COL24A1: variants seen among roughly 807,000 people sequenced by gnomAD.
COL24A1 encodes the protein collagen type XXIV alpha 1 chain.
COL24A1 carries 224 observed loss-of-function variants against 253.9 expected under a neutral mutation model. The ratio of observed to expected loss-of-function variants is 0.88; its 90% CI spans 0.79 to 0.99. The LOEUF (loss-of-function observed/expected upper bound fraction) is 0.99, where lower values mean the gene tolerates loss of function less well. COL24A1 is among the 50% of genes least tolerant of loss of function. The pLI is 0.00. For missense variants in COL24A1, 2,131 were observed against 2,068.5 expected (o/e 1.03, Z -0.59); for synonymous variants, 685 against 673.7 (o/e 1.02, Z -0.26).
At chr1:85,888,734 T>C (rs1052094458) in intron 32 of COL24A1, among the ~76,000 whole-genome samples, 4 of 152,114 alleles carry the variant, frequency 2.6e-5, no homozygotes, top group African/African-American at 7.2e-5. Flanking sequence ...TGAGAGCTTA[T>C]ATCACAGATT....
rs973069903 is a variant in COL24A1 at position 85,895,296 on chromosome 1, T to C, written c.2922+562A>G. Among the ~76,000 whole-genome samples the C allele has an allele frequency of 3.4e-4, 51 of 152,228 alleles. 1 individual carries two copies. The highest frequency in any genetic ancestry group is 1.1e-3 in the African/African-American group (47 of 41,548). On this transcript the variant is annotated intron_variant, in intron 31 of 59. Coordinates refer to ENST00000370571, the MANE Select transcript of COL24A1 (RefSeq NM_152890.7). ...AGTATTATAAAATATTAACAACTCT[T>C]AAGCAGTGCCATGGGAAGGCATGAA...
At chr1:86,050,747 A>C (rs1359615348) in intron 10 of COL24A1, among the ~76,000 whole-genome samples, 1 of 152,136 alleles carries the variant, frequency 6.6e-6, no homozygotes, top group Non-Finnish European at 1.5e-5. Flanking sequence ...AGATGGTTTT[A>C]TATGTTAGCT....
At chr1:85,874,181 G>C (rs941602499) in intron 35 of COL24A1, among the ~76,000 whole-genome samples, 2 of 152,018 alleles carry the variant, frequency 1.3e-5, no homozygotes, top group Non-Finnish European at 2.9e-5. Flanking sequence ...TTAGCATAAC[G>C]TCTCAAAGCT....
chr1:85,781,085 A>AT, intron 52 of COL24A1, 135 bp downstream of exon 52: 1 of 615,878 alleles, frequency 1.6e-6, no homozygotes, highest in South Asian at 2.9e-5. Context: ...CTCAGGAATC[A>AT]TTTTCCAGAA....
chr1:85,769,005 A>G (rs57698711), intron 53 of COL24A1, among the ~76,000 whole-genome samples: 137,391 of 152,206 alleles, frequency 0.9, 62,585 homozygotes, highest in Non-Finnish European at 0.96. Flanking sequence ...AATTCAATAA[A>G]TTCAAACAAT....
intron 6 of COL24A1, among the ~76,000 whole-genome samples, chr1:86,090,047 C>T (rs760003336): frequency 1.2e-4 from 19 of 152,076 alleles, no homozygotes; most frequent in African/African-American, 4.6e-4. Flanking sequence ...TTCCATCCTG[C>T]GTGCCAGCTA....
chr1:85,809,143 G>A (rs1009283428), intron 47 of COL24A1, among the ~76,000 whole-genome samples: 1 of 152,100 alleles, frequency 6.6e-6, no homozygotes, highest in South Asian at 2.1e-4. Flanking sequence ...GTGACCTCTG[G>A]CCATATAACT....
chr1:85,923,006 C>T (rs912724471), intron 24 of COL24A1, among the ~76,000 whole-genome samples: 12 of 150,908 alleles, frequency 8.0e-5, no homozygotes, highest in African/African-American at 2.9e-4. Flanking sequence ...AAAAAAAAAG[C>T]AGGGGTTGTA....
chr1:85,787,928 C>T (rs980423622), intron 47 of COL24A1, among the ~76,000 whole-genome samples: 1 of 152,116 alleles, frequency 6.6e-6, no homozygotes, highest in African/African-American at 2.4e-5. Flanking sequence ...GCCATTCTGA[C>T]CGGTGTGAGA....
At chr1:85,851,236 T>C (rs1380097609) in intron 37 of COL24A1, among the ~76,000 whole-genome samples, 1 of 152,142 alleles carries the variant, frequency 6.6e-6, no homozygotes, top group African/African-American at 2.4e-5. Context: ...TGTGTTCTCC[T>C]GAAACTTCTT....
intron 52 of COL24A1, among the ~76,000 whole-genome samples, chr1:85,778,935 C>A (rs1219963971): frequency 6.6e-6 from 1 of 152,078 alleles, no homozygotes; most frequent in South Asian, 2.1e-4. Flanking sequence ...TTATTTTTTA[C>A]ATTAAAGTCG....
rs190565348 is a variant in COL24A1 at position 85,888,897 on chromosome 1, A to G, written c.2976+663T>C. On this transcript the variant is annotated intron_variant, in intron 32 of 59. Transcript: ENST00000370571. Reference sequence around the variant, plus strand: ...TCAATGCAGTTGTTTGAAAGACTATATTGTATTGTACATCTTAGAAGCACA... The same window carrying G: ...TCAATGCAGTTGTTTGAAAGACTATGTTGTATTGTACATCTTAGAAGCACA... Among the ~76,000 whole-genome samples, 83 of 152,224 alleles carry G rather than the reference A, an allele frequency of 5.5e-4. 1 individual carries two copies. The South Asian group carries it at 8.5e-3, about 16-fold the overall frequency.
chr1:86,132,299 CT>C (rs1412112725), intron 2 of COL24A1, among the ~76,000 whole-genome samples: 1 of 152,046 alleles, frequency 6.6e-6, no homozygotes, highest in Non-Finnish European at 1.5e-5. Context: ...CAAAAATTTT[CT>C]CCCATTCTGT....
At chr1:86,145,781 A>T (rs1651792795) in intron 2 of COL24A1, among the ~76,000 whole-genome samples, 1 of 152,052 alleles carries the variant, frequency 6.6e-6, no homozygotes, top group Admixed American at 6.5e-5. Flanking sequence ...TGTATCAAGA[A>T]GTGCAAAGGT....
intron 43 of COL24A1, 140 bp from the exon 44 acceptor site, chr1:85,823,878 T>C (rs1381414670): frequency 6.7e-6 from 5 of 751,196 alleles, no homozygotes; most frequent in East Asian, 2.6e-5. Context: ...TTCTTGGAAA[T>C]AGAAAAGAAC....
Position 86,014,622 on chromosome 1 carries a change from C to CTTTTT in COL24A1, c.2310+2528_2310+2529insAAAAA, listed in dbSNP as rs10692217. On this transcript the variant is annotated intron_variant, in intron 19 of 59. Coordinates refer to ENST00000370571, the MANE Select transcript of COL24A1 (RefSeq NM_152890.7). The stretch of plus-strand genomic sequence containing the variant: ...CTTCCTTCTCCTCCTCCTCCTTTTC[C>CTTTTT]TATTTTCTATTTTTGGAATGATGAT... Among the ~76,000 whole-genome samples, 3 of 151,440 alleles carry CTTTTT rather than the reference C, an allele frequency of 2.0e-5. No homozygotes were observed. The South Asian group carries it at 6.3e-4, about 32-fold the overall frequency.
intron 48 of COL24A1, among the ~76,000 whole-genome samples, chr1:85,784,654 G>T (rs1342760165): frequency 6.6e-6 from 1 of 152,102 alleles, no homozygotes; most frequent in African/African-American, 2.4e-5. Context: ...GGATAGTAAG[G>T]CTTGAGAGGG....
At chr1:85,813,787 G>A (rs1672810804) in intron 47 of COL24A1, among the ~76,000 whole-genome samples, 1 of 151,822 alleles carries the variant, frequency 6.6e-6, no homozygotes, top group African/African-American at 2.4e-5. Flanking sequence ...TCCTGACCTC[G>A]TGATCCGCCC....
At chr1:85,964,184 A>G (rs548799774) in intron 23 of COL24A1, among the ~76,000 whole-genome samples, 4 of 152,228 alleles carry the variant, frequency 2.6e-5, no homozygotes, top group African/African-American at 9.6e-5. Context: ...TCATAGTTAA[A>G]TTTTCAATTT....
Sources: allele counts gnomAD v4.1 joint callset (sites outside exome capture counted in the v4.1 genomes callset), GRCh38; gene constraint gnomAD v4.1.1; transcripts MANE v1.5; gene names NCBI Gene and HGNC (gene_info 2026-07-23, HGNC 2026-07-21).